DHX33: variants seen among roughly 807,000 people sequenced by gnomAD.
DHX33 encodes the protein ATP-dependent RNA helicase DHX33.
In DHX33, 42 loss-of-function variants were observed where a neutral mutation model predicts 72.5. The ratio of observed to expected loss-of-function variants is 0.58; its 90% CI spans 0.45 to 0.75. The LOEUF is 0.75. Among genes scored for constraint, DHX33 ranks in the 30% least tolerant of loss-of-function variants. The probability of loss-of-function intolerance (pLI) is 0.00; values close to 1 mark genes in which losing one functional copy is unlikely to be tolerated. For missense variants in DHX33, 842 were observed against 917.5 expected (o/e 0.92, Z 1.06); for synonymous variants, 358 against 366.1 (o/e 0.98, Z 0.25).
At chr17:5,450,475 C>T in intron 9 of DHX33, 69 bp from the exon 10 acceptor site, 1 of 1,532,524 alleles carries the variant, frequency 6.5e-7, no homozygotes, top group Admixed American at 1.7e-5. Flanking sequence ...TATTTCTGTA[C>T]ATTGCTTTTG....
chr17:5,451,337 T>C (rs1197597080), intron 8 of DHX33, among the ~76,000 whole-genome samples: 1 of 152,210 alleles, frequency 6.6e-6, no homozygotes, highest in Non-Finnish European at 1.5e-5. Flanking sequence ...ACTCTTGACC[T>C]CAGGTGATCT....
In DHX33 at chr17:5,444,603, G is replaced by A; in HGVS notation, c.1816-90C>T. 7.4e-7 allele frequency: 1 copy of A among 1,347,538 alleles called. No individual in the cohort carries two copies. The highest frequency in any genetic ancestry group is 1.0e-6 in the Non-Finnish European group (1 of 985,894). The allele number at this position is 1,347,538 out of a possible 1,614,324, so 83.5% of individuals were successfully genotyped here. On this transcript the variant is annotated intron_variant, in intron 11 of 11. Coordinates refer to ENST00000225296, the MANE Select transcript of DHX33 (RefSeq NM_020162.4). The surrounding 1 kb of genome is among the most constrained non-coding windows in gnomAD (Gnocchi z 4.9). ...GCGTGTTGGGGCAACTGGACCCACT[G>A]GGGCAAAAGCAGCCCACATTGTGAG...
At chr17:5,465,768 G>A (rs1274620600) in intron 1 of DHX33, among the ~76,000 whole-genome samples, 1 of 152,152 alleles carries the variant, frequency 6.6e-6, no homozygotes, top group Non-Finnish European at 1.5e-5. Flanking sequence ...TTTGCAGCCT[G>A]TCTCGTCTCC....
intron 10 of DHX33, 137 bp from the exon 11 acceptor site, chr17:5,449,032 C>T: frequency 3.8e-6 from 2 of 521,600 alleles, no homozygotes; most frequent in Non-Finnish European, 6.7e-6. Context: ...CCTCCCACCT[C>T]AGCCTCCCAG....
intron 1 of DHX33, among the ~76,000 whole-genome samples, chr17:5,466,771 TTCTG>T (rs1904889524): frequency 6.6e-6 from 1 of 152,218 alleles, no homozygotes; most frequent in Non-Finnish European, 1.5e-5. Context: ...TTAACTGCAC[TTCTG>T]TCTAAGTCCT....
chr17:5,465,874 C>T (rs1904858459), intron 1 of DHX33, among the ~76,000 whole-genome samples: 1 of 152,204 alleles, frequency 6.6e-6, no homozygotes, highest in Non-Finnish European at 1.5e-5. Flanking sequence ...AATGTGGTCT[C>T]TCCCTAACTG....
chr17:5,457,976 C>T (rs1047057706), intron 4 of DHX33, among the ~76,000 whole-genome samples: 1 of 152,130 alleles, frequency 6.6e-6, no homozygotes, highest in Non-Finnish European at 1.5e-5. Context: ...GGAGTCTCAA[C>T]TCATTTTGGA....
At chr17:5,450,661 T>C in intron 9 of DHX33, 146 bp downstream of exon 9, 2 of 1,279,352 alleles carry the variant, frequency 1.6e-6, no homozygotes, top group Non-Finnish European at 2.2e-6. Flanking sequence ...ACACTGAACA[T>C]GAATCAGGGC....
At position 5,455,280 on chromosome 17, in the gene DHX33, A is replaced by G; in HGVS notation, c.1036-9T>C. The G allele has an allele frequency of 6.2e-7, 1 of 1,613,006 alleles. No individual in the cohort carries two copies. The highest frequency in any genetic ancestry group is 8.5e-7 in the Non-Finnish European group (1 of 1,179,074). The stretch of plus-strand genomic sequence containing the variant: ...ATCACTTTGCGATAGCCCTAAAAGG[A>G]GGAAGAAAACCAAAAAGCCGCATTG... On this transcript the variant is annotated splice_polypyrimidine_tract_variant and intron_variant, in intron 5 of 11. Coordinates refer to ENST00000225296, the MANE Select transcript of DHX33 (RefSeq NM_020162.4).
chr17:5,455,455 A>G (rs1430308883), intron 5 of DHX33, among the ~76,000 whole-genome samples, 184 bp from the exon 6 acceptor site: 2 of 152,198 alleles, frequency 1.3e-5, no homozygotes, highest in Admixed American at 6.5e-5. Flanking sequence ...GGGACGCTGC[A>G]GTCTTAAAGG....
intron 11 of DHX33, among the ~76,000 whole-genome samples, chr17:5,446,002 C>G (rs1916645216): frequency 1.3e-5 from 2 of 152,124 alleles, no homozygotes; most frequent in Admixed American, 1.3e-4. Context: ...GAGACAGGGT[C>G]TCACTCTGTT....
rs561679341 is a variant in DHX33 at position 5,456,789 on chromosome 17, C to T, written c.850-607G>A. Among the ~76,000 whole-genome samples the T allele has an allele frequency of 6.2e-4, 94 of 152,280 alleles. 1 individual carries two copies. In the South Asian group the frequency reaches 0.019, roughly 31 times the overall value. The stretch of plus-strand genomic sequence containing the variant: ...ATCTTGAAAAATGAAGTTGACAAAA[C>T]AGAAGGAAACTTGGGGAAATCCTAA... On this transcript the variant is annotated intron_variant, in intron 4 of 11. Coordinates refer to ENST00000225296, the MANE Select transcript of DHX33 (RefSeq NM_020162.4).
chr17:5,464,726 AG>A (rs1249925653), intron 1 of DHX33, among the ~76,000 whole-genome samples: 1 of 152,244 alleles, frequency 6.6e-6, no homozygotes, highest in East Asian at 1.9e-4. Context: ...ACCGTTACAT[AG>A]ATTTCTGCAT....
intron 1 of DHX33, among the ~76,000 whole-genome samples, chr17:5,466,394 C>G (rs1270825490): frequency 1.3e-5 from 2 of 152,176 alleles, no homozygotes; most frequent in African/African-American, 4.8e-5. Context: ...CACATAACCC[C>G]ATCCTAAATC....
intron 6 of DHX33, among the ~76,000 whole-genome samples, 156 bp from the exon 7 acceptor site, chr17:5,454,136 C>T (rs781632721): frequency 2.0e-5 from 3 of 152,206 alleles, no homozygotes; most frequent in South Asian, 4.1e-4. Flanking sequence ...CAGACTGCTC[C>T]GCAGCGGTTT....
At chr17:5,453,350 A>T (rs1164433694) in intron 8 of DHX33, among the ~76,000 whole-genome samples, 1 of 152,128 alleles carries the variant, frequency 6.6e-6, no homozygotes, top group Non-Finnish European at 1.5e-5. Flanking sequence ...GTGAATAGTC[A>T]CTGCACCTCC....
intron 8 of DHX33, among the ~76,000 whole-genome samples, chr17:5,451,174 C>T (rs961162636): frequency 1.3e-5 from 2 of 152,194 alleles, no homozygotes; most frequent in Non-Finnish European, 2.9e-5. Context: ...GGCGTGATCT[C>T]GGCTCATTGC....
At position 5,458,636 on chromosome 17, in the gene DHX33, AG is replaced by A. The variant is rs571714780; in HGVS notation, c.849+2302del. 2.5e-3 allele frequency among the ~76,000 whole-genome samples: 375 copies of A among 152,244 alleles called. 5 individuals are homozygous for A. Among genetic ancestry groups the A allele is most frequent in the African/African-American group, 8.5e-3 (355 of 41,546 alleles). On this transcript the variant is annotated intron_variant, in intron 4 of 11. Coordinates refer to ENST00000225296, the MANE Select transcript of DHX33 (RefSeq NM_020162.4). ...AGAACTGTCAAGAGGTTGGAGATAA[AG>A]GGGGTTGGGGAGGGGCATTCTAAAC...
At chr17:5,460,225 A>G (rs1904521280) in intron 4 of DHX33, among the ~76,000 whole-genome samples, 1 of 151,826 alleles carries the variant, frequency 6.6e-6, no homozygotes, top group Non-Finnish European at 1.5e-5. Flanking sequence ...CATGTTAGTC[A>G]GGAGGGTCTC....
Sources: gnomAD v4.1 joint callset for allele counts (sites outside exome capture counted in the v4.1 genomes callset) on GRCh38, gnomAD v4.1.1 for gene constraint, Gnocchi (gnomAD v3.1) non-coding constraint, MANE v1.5 for transcripts, NCBI Gene and HGNC (gene_info 2026-07-23, HGNC 2026-07-21) for gene names.